The following TRAF3IP2 variants were observed in gnomAD, a reference collection of about 807,000 sequenced individuals.
The protein encoded by TRAF3IP2 is E3 ubiquitin ligase TRAF3IP2.
TRAF3IP2 carries 35 observed loss-of-function variants against 57.9 expected under a neutral mutation model. The ratio of observed to expected loss-of-function variants is 0.60; its 90% confidence interval spans 0.46 to 0.80. The LOEUF is 0.80. TRAF3IP2 is among the 30% of genes least tolerant of loss of function. The probability of loss-of-function intolerance (pLI) is 0.00; values close to 1 mark genes in which losing one functional copy is unlikely to be tolerated. For missense variants in TRAF3IP2, 556 were observed against 706.4 expected (o/e 0.79, Z 2.41); for synonymous variants, 251 against 268.9 (o/e 0.93, Z 0.65).
intron 5 of TRAF3IP2, among the ~76,000 whole-genome samples, chr6:111,571,564 A>G (rs1040467601): frequency 1.3e-5 from 2 of 152,222 alleles, no homozygotes; most frequent in East Asian, 3.8e-4. Context: ...TAGTCTCTAT[A>G]TAATTATGGA....
Position 111,557,140 on chromosome 6 carries a change from A to C in TRAF3IP2, c.*2265T>G, listed in dbSNP as rs370896152. The C allele has an allele frequency of 2.0e-5, 3 of 152,216 alleles. No individual in the cohort carries two copies. Among genetic ancestry groups the C allele is most frequent in the Admixed American group, 6.6e-5 (1 of 15,234 alleles). 9.4% of individuals were successfully genotyped at this position (152,216 alleles called of 1,614,324 possible). On this transcript the variant is annotated 3_prime_UTR_variant, in exon 9 of 9. Coordinates refer to ENST00000368761, the MANE Select transcript of TRAF3IP2 (RefSeq NM_147686.4). ...GACCCTGTCTCAAAAAAAAGAAAAA[A>C]AAAACAAAACGGTGGACTGTCTTGT...
At chr6:111,579,930 G>T (rs893322864) in intron 3 of TRAF3IP2, among the ~76,000 whole-genome samples, 1 of 152,058 alleles carries the variant, frequency 6.6e-6, no homozygotes, top group African/African-American at 2.4e-5. Context: ...AAAAGAAAGG[G>T]GTGTGACTTG....
chr6:111,574,162 A>G (rs540774947), intron 4 of TRAF3IP2, among the ~76,000 whole-genome samples: 11 of 152,348 alleles, frequency 7.2e-5, no homozygotes, highest in African/African-American at 2.6e-4. Flanking sequence ...ATCTTAAGAA[A>G]GTGTTCAGAA....
intron 1 of TRAF3IP2, among the ~76,000 whole-genome samples, chr6:111,604,450 C>T (rs1350715731): frequency 6.6e-5 from 10 of 152,212 alleles, no homozygotes; most frequent in Admixed American, 5.9e-4. Flanking sequence ...GGCTTGTCTG[C>T]CAGTTCTCTG....
chr6:111,572,835 C>T (rs1488787555), intron 5 of TRAF3IP2, 60 bp downstream of exon 5: 1 of 1,322,658 alleles, frequency 7.6e-7, no homozygotes, highest in Admixed American at 1.8e-5. Context: ...TCTTCTGCTG[C>T]TTTTCTCTCC....
chr6:111,566,741 A>G (rs2128371568), intron 6 of TRAF3IP2, among the ~76,000 whole-genome samples, 181 bp from the exon 7 acceptor site: 1 of 152,250 alleles, frequency 6.6e-6, no homozygotes, highest in South Asian at 2.1e-4. Context: ...CCCACCTTGA[A>G]CATGCAGAGC....
intron 2 of TRAF3IP2, among the ~76,000 whole-genome samples, chr6:111,581,997 G>A (rs1243157085): frequency 1.3e-5 from 2 of 152,106 alleles, no homozygotes; most frequent in South Asian, 2.1e-4. Context: ...AAAAAGAACT[G>A]TATTCTTAGC....
intron 1 of TRAF3IP2, among the ~76,000 whole-genome samples, chr6:111,602,930 T>C (rs1384074577): frequency 6.6e-6 from 1 of 152,144 alleles, no homozygotes; most frequent in African/African-American, 2.4e-5. Flanking sequence ...CGGTCAGTCC[T>C]GGCCCTCCTA....
At chr6:111,576,104 A>G (rs1358221819) in intron 3 of TRAF3IP2, among the ~76,000 whole-genome samples, 3 of 152,222 alleles carry the variant, frequency 2.0e-5, no homozygotes, top group Non-Finnish European at 2.9e-5. Flanking sequence ...AGTCTCATGC[A>G]CAGGGCAGAC....
At chr6:111,577,396 A>G (rs1245991225) in intron 3 of TRAF3IP2, among the ~76,000 whole-genome samples, 1 of 152,178 alleles carries the variant, frequency 6.6e-6, no homozygotes, top group Non-Finnish European at 1.5e-5. Context: ...GAGGAGAATT[A>G]GCTGGCTTCT....
chr6:111,582,486 C>T (rs1562428748), intron 2 of TRAF3IP2, among the ~76,000 whole-genome samples: 1 of 152,238 alleles, frequency 6.6e-6, no homozygotes, highest in East Asian at 1.9e-4. Flanking sequence ...GGAAGACAGG[C>T]CCACAGAGAC....
At chr6:111,598,175 G>A in intron 1 of TRAF3IP2, 3 of 233,456 alleles carry the variant, frequency 1.3e-5, no homozygotes, top group South Asian at 5.5e-5. Context: ...GAGTATTTTT[G>A]TTTATTGTAT....
chr6:111,573,031 T>C (rs1201397754), intron 4 of TRAF3IP2, 48 bp from the exon 5 acceptor site: 3 of 1,405,316 alleles, frequency 2.1e-6, no homozygotes, highest in Non-Finnish European at 2.0e-6. Flanking sequence ...AATTATTCTA[T>C]TGTAAACAAA....
rs149860754 is a variant in TRAF3IP2 at position 111,591,396 on chromosome 6, G to A, written c.691C>T (p.Leu231Phe). ...VCYPQDLPRP[L>F]RSREFPQFEP... ...AACTGAGGGAACTCCCTGGACCTGA[G>A]AGGTCTGGGGAGGTCCTGGGGGTAA... Residue 231 changes from leucine to phenylalanine, a missense_variant, in exon 2 of 9, where the codon CTC becomes TTC. Around this residue, in one of 2 missense-constraint regions of TRAF3IP2, gnomAD observed 428 missense variants for 498.7 expected, o/e 0.86. Transcript: ENST00000368761. This position sits in a 1 kb window ranked among gnomAD's most constrained non-coding sequence, Gnocchi z 4.9. 480 of 1,549,360 alleles carry A rather than the reference G, an allele frequency of 3.1e-4. No individual in the cohort carries two copies. The highest frequency in any genetic ancestry group is 4.0e-4 in the Non-Finnish European group (461 of 1,150,586).
chr6:111,586,309 G>A (rs1427264141), intron 2 of TRAF3IP2, among the ~76,000 whole-genome samples: 1 of 151,572 alleles, frequency 6.6e-6, no homozygotes, highest in Non-Finnish European at 1.5e-5. Flanking sequence ...CTCCTTGGTA[G>A]AGAAAGCAAT....
At chr6:111,571,818 A>G (rs1466481233) in intron 5 of TRAF3IP2, among the ~76,000 whole-genome samples, 2 of 151,762 alleles carry the variant, frequency 1.3e-5, no homozygotes. Context: ...CTGTAATCCT[A>G]GCTACTTGAG....
intron 8 of TRAF3IP2, among the ~76,000 whole-genome samples, chr6:111,562,639 T>G (rs1795487883): frequency 6.6e-6 from 1 of 151,562 alleles, no homozygotes; most frequent in African/African-American, 2.4e-5. Flanking sequence ...AGGTCAGGAG[T>G]TCAAGACCAG....
chr6:111,598,804 T>C (rs1796773247), intron 1 of TRAF3IP2, among the ~76,000 whole-genome samples: 2 of 152,254 alleles, frequency 1.3e-5, no homozygotes, highest in African/African-American at 2.4e-5. Context: ...GTGATTCTGA[T>C]GCTCACAAAG....
Position 111,567,135 on chromosome 6 carries a change from T to C in TRAF3IP2, c.1359+489A>G, listed in dbSNP as rs558066459. The C allele has an allele frequency of 2.6e-4, 261 of 987,564 alleles. No homozygotes were observed. In the African/African-American group the frequency reaches 4.1e-3, roughly 15 times the overall value. The allele number at this position is 987,564 out of a possible 1,614,324, so 61.2% of individuals were successfully genotyped here. A position where few individuals can be genotyped will look rare whatever the true frequency, so the allele number is the denominator to read the frequency against. The stretch of plus-strand genomic sequence containing the variant: ...ACACGCTGGCAGCAATCAATTTCGA[T>C]CTTGTTAAAGCACAACGTGTCCCAG... On this transcript the variant is annotated intron_variant, in intron 6 of 8. Transcript: ENST00000368761.
Sources: gnomAD v4.1 joint callset for allele counts (sites outside exome capture counted in the v4.1 genomes callset) on GRCh38, gnomAD v4.1.1 for gene constraint, gnomAD v4.1.1 regional missense constraint, Gnocchi (gnomAD v3.1) non-coding constraint, MANE v1.5 for transcripts, NCBI Gene and HGNC (gene_info 2026-07-23, HGNC 2026-07-21) for gene names.